Variants in EXOC4 observed in about 807,000 individuals in gnomAD.
EXOC4 encodes exocyst complex component 4, also known as SEC8-like 1.
In EXOC4, 71 loss-of-function variants were observed where a neutral mutation model predicts 107.2. The observed-to-expected ratio is 0.66, with a 90% CI of 0.55 to 0.81. EXOC4 has a LOEUF of 0.81. Ranked by LOEUF, EXOC4 falls within the 30% of genes least tolerant of loss-of-function variation. The pLI, the probability that EXOC4 is intolerant of heterozygous loss-of-function variation, is 0.00. For synonymous variants in EXOC4, 456 were observed against 441.2 expected, an observed-to-expected ratio of 1.03 and a Z score of -0.42; for missense variants, 1,108 against 1,189.6, an observed-to-expected ratio of 0.93 and a Z score of 1.01.
chr7:133,745,018 A>T (rs1258903751), intron 10 of EXOC4, among the ~76,000 whole-genome samples: 2 of 152,198 alleles, frequency 1.3e-5, no homozygotes, highest in Non-Finnish European at 2.9e-5. Context: ...CTTCTGGATC[A>T]GCAATGTCTA....
intron 10 of EXOC4, among the ~76,000 whole-genome samples, chr7:133,652,969 G>T (rs1037561664): frequency 6.6e-6 from 1 of 152,114 alleles, no homozygotes; most frequent in African/African-American, 2.4e-5. Flanking sequence ...AGGAATTGTA[G>T]GAATTTAAAA....
At chr7:133,395,448 T>A (rs1180946999) in intron 7 of EXOC4, among the ~76,000 whole-genome samples, 1 of 152,134 alleles carries the variant, frequency 6.6e-6, no homozygotes, top group Non-Finnish European at 1.5e-5. Context: ...TTGTATTTTA[T>A]ATCTATTATG....
chr7:133,636,869 A>G (rs1474276476), intron 10 of EXOC4, among the ~76,000 whole-genome samples: 1 of 152,232 alleles, frequency 6.6e-6, no homozygotes, highest in Non-Finnish European at 1.5e-5. Flanking sequence ...GCTTTTGGTG[A>G]TAGACAGTAT....
chr7:133,953,222 C>T (rs1031146818), intron 14 of EXOC4, among the ~76,000 whole-genome samples: 22 of 151,996 alleles, frequency 1.4e-4, no homozygotes, highest in Admixed American at 7.9e-4. Flanking sequence ...CCAAGGTGGG[C>T]GGATCACTTG....
chr7:133,672,541 C>T (rs1025592142), intron 10 of EXOC4, among the ~76,000 whole-genome samples: 6 of 152,124 alleles, frequency 3.9e-5, no homozygotes, highest in Non-Finnish European at 8.8e-5. Flanking sequence ...AAGCCATCAA[C>T]ATTCCAGTGT....
At chr7:133,342,519 A>G (rs182669468) in intron 5 of EXOC4, among the ~76,000 whole-genome samples, 1 of 152,232 alleles carries the variant, frequency 6.6e-6, no homozygotes, top group East Asian at 1.9e-4. Flanking sequence ...TCTCTTTGCT[A>G]TGAATTTACT....
intron 17 of EXOC4, among the ~76,000 whole-genome samples, chr7:134,055,091 C>G (rs1037126282): frequency 5.3e-5 from 8 of 152,182 alleles, no homozygotes; most frequent in African/African-American, 1.9e-4. Context: ...GTTTACGCTT[C>G]TCAAATAATC....
At chr7:133,879,205 C>T (rs535328271) in intron 11 of EXOC4, among the ~76,000 whole-genome samples, 1 of 152,160 alleles carries the variant, frequency 6.6e-6, no homozygotes. Context: ...AGCGATTCTC[C>T]CACATCAGCC....
At chr7:133,955,724 C>T (rs1268211542) in intron 14 of EXOC4, among the ~76,000 whole-genome samples, 1 of 152,234 alleles carries the variant, frequency 6.6e-6, no homozygotes, top group African/African-American at 2.4e-5. Context: ...CAGGCCTGCA[C>T]CATGCTGCCC....
the EXOC4 span, among the ~76,000 whole-genome samples, chr7:134,098,773 A>G: frequency 1.6e-4 from 25 of 152,316 alleles, no homozygotes; most frequent in South Asian, 3.9e-3. Context: ...CTTGTCCTCC[A>G]TCTTCCAAGA....
chr7:133,326,556 C>T (rs748511533), intron 5 of EXOC4, among the ~76,000 whole-genome samples: 4 of 152,164 alleles, frequency 2.6e-5, no homozygotes, highest in Non-Finnish European at 5.9e-5. Context: ...GCTGACTGAT[C>T]GTTCCTCTGG....
At chr7:133,472,869 G>C (rs531056124) in intron 7 of EXOC4, among the ~76,000 whole-genome samples, 3 of 152,100 alleles carry the variant, frequency 2.0e-5, no homozygotes, top group Non-Finnish European at 4.4e-5. Flanking sequence ...CTTTACTGAT[G>C]ATGAGAAAAA....
intron 10 of EXOC4, chr7:133,733,740 T>G (rs910727940): frequency 2.6e-5 from 4 of 152,218 alleles, no homozygotes; most frequent in African/African-American, 9.6e-5. Context: ...GTCATTACAC[T>G]TGACACGTCT....
intron 11 of EXOC4, 108 bp from the exon 12 acceptor site, chr7:133,895,491 G>T (rs1799285336): frequency 7.1e-6 from 8 of 1,122,516 alleles, no homozygotes; most frequent in Admixed American, 6.0e-5. Flanking sequence ...TCACATTCTT[G>T]CAGGAGAGCT....
At chr7:133,514,882 A>C (rs1426577791) in intron 9 of EXOC4, among the ~76,000 whole-genome samples, 1 of 152,158 alleles carries the variant, frequency 6.6e-6, no homozygotes. Flanking sequence ...ACTATGATAA[A>C]TGATATCATT....
At chr7:134,024,906 C>T (rs1795104755) in intron 17 of EXOC4, among the ~76,000 whole-genome samples, 1 of 152,218 alleles carries the variant, frequency 6.6e-6, no homozygotes, top group African/African-American at 2.4e-5. Context: ...CTTCTGCTGG[C>T]AGCAGAGCAA....
chr7:133,629,002 CTT>C (rs1169328401), intron 9 of EXOC4, among the ~76,000 whole-genome samples: 3 of 152,156 alleles, frequency 2.0e-5, no homozygotes, highest in Admixed American at 6.5e-5. Flanking sequence ...ATTGAAAACT[CTT>C]TAGTCAGAGT....
intron 17 of EXOC4, among the ~76,000 whole-genome samples, chr7:134,022,991 A>G (rs1473980847): frequency 2.0e-5 from 3 of 152,194 alleles, no homozygotes; most frequent in African/African-American, 7.2e-5. Flanking sequence ...CTCTTAAAAC[A>G]ATGTTTTCCC....
chr7:133,861,623 C>T (rs1798535462), intron 11 of EXOC4, among the ~76,000 whole-genome samples: 1 of 152,014 alleles, frequency 6.6e-6, no homozygotes, highest in Non-Finnish European at 1.5e-5. Flanking sequence ...CAACCTCTGC[C>T]TTCTGGGTTA....
Sources: allele counts gnomAD v4.1 joint callset (sites outside exome capture counted in the v4.1 genomes callset), GRCh38; gene constraint gnomAD v4.1.1; transcripts MANE v1.5; gene names NCBI Gene and HGNC (gene_info 2026-07-23, HGNC 2026-07-21).